The following CLIC4 variants were observed in gnomAD, a reference collection of about 807,000 sequenced individuals.
CLIC4 encodes the protein chloride intracellular channel protein 4.
A neutral mutation model predicts 24.6 loss-of-function variants in CLIC4; 13 were observed. The ratio of observed to expected loss-of-function variants is 0.53; its 90% CI spans 0.34 to 0.84. The LOEUF (loss-of-function observed/expected upper bound fraction) is 0.84. Ranked by LOEUF, CLIC4 falls within the 40% of genes least tolerant of loss-of-function variation. The probability of loss-of-function intolerance (pLI) is 0.01; values close to 1 mark genes in which losing one functional copy is unlikely to be tolerated. For synonymous variants in CLIC4, 104 were observed against 111.3 expected (o/e 0.93, Z 0.41); for missense variants, 227 against 301.7 (o/e 0.75, Z 1.83).
chr1:24,816,148 T>C (rs1571258958), intron 3 of CLIC4, among the ~76,000 whole-genome samples: 1 of 151,996 alleles, frequency 6.6e-6, no homozygotes, highest in East Asian at 1.9e-4. Flanking sequence ...CCTGTGAATG[T>C]CGTCCATGAG....
chr1:24,823,827 C>G (rs141999999), intron 3 of CLIC4, among the ~76,000 whole-genome samples: 1 of 150,546 alleles, frequency 6.6e-6, no homozygotes. Flanking sequence ...GGCTAATCAG[C>G]CTTCATTTTT....
chr1:24,799,227 A>C (rs531291171), intron 2 of CLIC4, among the ~76,000 whole-genome samples: 79 of 139,936 alleles, frequency 5.6e-4, no homozygotes, highest in African/African-American at 1.6e-3. Context: ...GGCTGCCATC[A>C]CATCTAGGAA....
chr1:24,820,067 G>GTGTGTGTATATATA lies in CLIC4; in HGVS notation c.308+5849_308+5850insGTGTGTATATATAT, dbSNP rs1212033050. 2.7e-3 allele frequency among the ~76,000 whole-genome samples: 98 copies of GTGTGTGTATATATA among 36,476 alleles called. 5 individuals are homozygous for GTGTGTGTATATATA. Among genetic ancestry groups the GTGTGTGTATATATA allele is most frequent in the Admixed American group, 4.2e-3 (9 of 2,142 alleles). The allele number at this position is 36,476 out of a possible 152,430, so 23.9% of individuals were successfully genotyped here. ...TACTTCAAAAAAAAAAAAAAAGTAT[G>GTGTGTGTATATATA]TATATATATATGTATATATATATAT... On this transcript the variant is annotated intron_variant, in intron 3 of 5. Transcript: ENST00000374379.
chr1:24,769,805 T>C (rs1639050147), intron 1 of CLIC4, among the ~76,000 whole-genome samples: 1 of 152,176 alleles, frequency 6.6e-6, no homozygotes, highest in Admixed American at 6.5e-5. Context: ...TAATTAGTAT[T>C]TTATAAAGCA....
chr1:24,800,436 G>A (rs1171593888), intron 2 of CLIC4, among the ~76,000 whole-genome samples: 25 of 150,188 alleles, frequency 1.7e-4, no homozygotes, highest in African/African-American at 5.6e-4. Context: ...CGTCTGGGAG[G>A]GAGGTGGAGG....
chr1:24,750,244 C>T (rs976115045), intron 1 of CLIC4, among the ~76,000 whole-genome samples: 42 of 151,992 alleles, frequency 2.8e-4, no homozygotes, highest in African/African-American at 2.4e-5. Flanking sequence ...GACCCTGTCT[C>T]GGGAGGAAAA....
At chr1:24,755,903 C>A (rs1436292281) in intron 1 of CLIC4, among the ~76,000 whole-genome samples, 2 of 149,216 alleles carry the variant, frequency 1.3e-5, no homozygotes, top group Middle Eastern at 7.1e-3. Context: ...CTCACTGCAA[C>A]CTCCGCCTCC....
At position 24,814,230 on chromosome 1, in the gene CLIC4, A is replaced by G; in HGVS notation, c.308+11A>G. On this transcript the variant is annotated intron_variant, in intron 3 of 5. Coordinates refer to ENST00000374379, the MANE Select transcript of CLIC4 (RefSeq NM_013943.3). ...CTTATGCCCTCCCAAGTGAGTATCA[A>G]GGAAAATACGTATGAAAATATTGTC... The G allele has an allele frequency of 1.2e-6, 2 of 1,604,998 alleles. No individual in the cohort carries two copies. The highest frequency in any genetic ancestry group is 1.7e-6 in the Non-Finnish European group (2 of 1,177,040).
At chr1:24,805,351 G>T (rs1557808062) in intron 2 of CLIC4, among the ~76,000 whole-genome samples, 1 of 152,122 alleles carries the variant, frequency 6.6e-6, no homozygotes, top group East Asian at 1.9e-4. Flanking sequence ...TGTTCAATTA[G>T]TGACTTGACT....
chr1:24,748,383 G>C (rs943696045), intron 1 of CLIC4, among the ~76,000 whole-genome samples: 5 of 151,630 alleles, frequency 3.3e-5, no homozygotes, highest in African/African-American at 1.2e-4. Context: ...GTGACCCTAG[G>C]CAGTTTGTTT....
chr1:24,766,485 T>A (rs935828634), intron 1 of CLIC4, among the ~76,000 whole-genome samples: 2 of 39,672 alleles, frequency 5.0e-5, no homozygotes, highest in Non-Finnish European at 9.2e-5. Context: ...TTTTTTTTTT[T>A]TTTTTTTTTT....
chr1:24,808,910 TC>T (rs1196064113), intron 2 of CLIC4, among the ~76,000 whole-genome samples: 1 of 152,082 alleles, frequency 6.6e-6, no homozygotes, highest in East Asian at 1.9e-4. Flanking sequence ...ACTCCCGACC[TC>T]AAGTGATCTG....
chr1:24,830,928 A>G (rs1639833803), intron 4 of CLIC4, among the ~76,000 whole-genome samples: 1 of 152,064 alleles, frequency 6.6e-6, no homozygotes, highest in Non-Finnish European at 1.5e-5. Context: ...CTCCTTTGTG[A>G]TGATTGGTCT....
At chr1:24,838,019 A>G (rs747377396) in intron 4 of CLIC4, among the ~76,000 whole-genome samples, 15 of 152,054 alleles carry the variant, frequency 9.9e-5, no homozygotes, top group South Asian at 2.1e-4. Flanking sequence ...TTGTCTGTCT[A>G]TTGGACATCT....
At chr1:24,824,996 T>TCTCACACA (rs1328404208) in intron 3 of CLIC4, among the ~76,000 whole-genome samples, 7 of 133,958 alleles carry the variant, frequency 5.2e-5, no homozygotes, top group African/African-American at 1.7e-4. Flanking sequence ...GGAGACCCTG[T>TCTCACACA]CACACACACA....
chr1:24,776,754 A>C (rs981753052), intron 1 of CLIC4, among the ~76,000 whole-genome samples: 2 of 152,154 alleles, frequency 1.3e-5, no homozygotes, highest in Non-Finnish European at 2.9e-5. Flanking sequence ...TCTACCAAAA[A>C]TACAAAAATT....
At chr1:24,749,310 A>C (rs1890449) in intron 1 of CLIC4, among the ~76,000 whole-genome samples, 93,961 of 151,988 alleles carry the variant, frequency 0.62, 30,213 homozygotes, top group Non-Finnish European at 0.71. Flanking sequence ...ACCTGCCAAG[A>C]GGTATCTGAG....
chr1:24,805,098 A>C (rs994003432), intron 2 of CLIC4, among the ~76,000 whole-genome samples: 3 of 143,974 alleles, frequency 2.1e-5, no homozygotes, highest in South Asian at 2.3e-4. Flanking sequence ...AAAAAAAAAA[A>C]AAAAAAACAC....
At chr1:24,794,553 T>C (rs1251949717) in intron 1 of CLIC4, among the ~76,000 whole-genome samples, 1 of 152,120 alleles carries the variant, frequency 6.6e-6, no homozygotes, top group Non-Finnish European at 1.5e-5. Context: ...ATATTTGTAA[T>C]TTTGTTTAAG....
Sources: gnomAD v4.1 joint callset for allele counts (sites outside exome capture counted in the v4.1 genomes callset) on GRCh38, gnomAD v4.1.1 for gene constraint, MANE v1.5 for transcripts, NCBI Gene and HGNC (gene_info 2026-07-23, HGNC 2026-07-21) for gene names.